Variants in ZNF880 observed in about 807,000 individuals in gnomAD.
The protein encoded by ZNF880 is zinc finger protein LOC400713.
In ZNF880, 12 loss-of-function variants were observed where a neutral mutation model predicts 11.8. The observed-to-expected ratio is 1.02, with a 90% confidence interval of 0.65 to 1.65. The LOEUF is 1.65. Among genes scored for constraint, ZNF880 ranks in the 40% most tolerant of loss-of-function variants. ZNF880 has a pLI of 0.00. For missense variants in ZNF880, 601 were observed against 673.9 expected (o/e 0.89, Z 1.20); for synonymous variants, 210 against 232.4 (o/e 0.90, Z 0.88).
downstream of ZNF880, among the ~76,000 whole-genome samples, chr19:52,386,036 A>G (rs1037824394): frequency 1.4e-5 from 2 of 142,164 alleles, no homozygotes. Context: ...TTAGCCAGGC[A>G]TGGTGGCAGA....
downstream of ZNF880, among the ~76,000 whole-genome samples, chr19:52,387,898 C>CTT (rs71180454): frequency 2.3e-5 from 2 of 85,966 alleles, no homozygotes; most frequent in Admixed American, 2.3e-4. Context: ...CATAAATTTT[C>CTT]TTTTTTTTTT....
intron 3 of ZNF880, among the ~76,000 whole-genome samples, chr19:52,377,026 G>C (rs1397620163): frequency 6.6e-6 from 1 of 152,144 alleles, no homozygotes; most frequent in Non-Finnish European, 1.5e-5. Context: ...TGGCTTATGA[G>C]AATTCTTTGA....
intron 3 of ZNF880, chr19:52,379,802 TA>T (rs1490904587): frequency 6.4e-6 from 1 of 157,188 alleles, no homozygotes; most frequent in Non-Finnish European, 1.4e-5. Flanking sequence ...TTTAAGCTGC[TA>T]TCTTAGTTCT....
In ZNF880 at chr19:52,384,683, C is replaced by A. The variant is rs753623852; in HGVS notation, c.1103C>A (p.Thr368Asn). ...GKVFNRNAHL[T>N]RHQRIHTGEK... ...GTCTTCAATCGAAATGCACACCTTACCAGACATCAAAGAATCCATACTGGA... is the reference window on the plus strand; with the variant it reads ...GTCTTCAATCGAAATGCACACCTTAACAGACATCAAAGAATCCATACTGGA... Residue 368 changes from threonine to asparagine, a missense_variant, in exon 4 of 4, where the codon ACC (threonine) becomes AAC (asparagine). Thr to Asn is a moderately conservative substitution (Grantham distance 65). Coordinates refer to ENST00000422689, the MANE Select transcript of ZNF880 (RefSeq NM_001145434.2). 1.5e-5 allele frequency: 24 copies of A among 1,611,476 alleles called. No individual in the cohort carries two copies. The highest frequency in any genetic ancestry group is 2.0e-5 in the Non-Finnish European group (23 of 1,178,854).
At chr19:52,372,977 T>C (rs1600246359) in intron 1 of ZNF880, 134 bp from the exon 2 acceptor site, 1 of 714,830 alleles carries the variant, frequency 1.4e-6, no homozygotes, top group African/African-American at 1.9e-5. Context: ...AAAACACAAT[T>C]AGAAACATAT....
chr19:52,369,912 G>C, upstream of ZNF880: 2 of 1,551,502 alleles, frequency 1.3e-6, no homozygotes, highest in Non-Finnish European at 1.7e-6. Context: ...TCGCCTCTCA[G>C]CTGCGCGCGC....
chr19:52,384,035 G>A lies in ZNF880; in HGVS notation c.455G>A (p.Ser152Asn), dbSNP rs1210832058. Residue 152 changes from serine to asparagine, a missense_variant, in exon 4 of 4, where the codon AGT (serine) becomes AAT (asparagine). This residue lies in a region of ZNF880 where 420 missense variants were observed against 442.6 expected (regional missense o/e 0.95). Transcript: ENST00000422689. Reference protein sequence around the residue: ...LVSPLQKIYSSVKSHILNKYR... With the variant: ...LVSPLQKIYSNVKSHILNKYR... The stretch of plus-strand genomic sequence containing the variant: ...TCACCACTTCAAAAAATTTATTCTA[G>A]TGTCAAATCCCACATTTTAAATAAA... The A allele has an allele frequency of 1.3e-6, 2 of 1,556,724 alleles. No individual in the cohort carries two copies. The highest frequency in any genetic ancestry group is 1.7e-6 in the Non-Finnish European group (2 of 1,149,930).
chr19:52,370,842 G>A (rs1342102713), intron 1 of ZNF880, among the ~76,000 whole-genome samples: 1 of 152,184 alleles, frequency 6.6e-6, no homozygotes, highest in Non-Finnish European at 1.5e-5. Context: ...CGAGTTACTC[G>A]GAGAGGGTGT....
At position 52,384,859 on chromosome 19, in the gene ZNF880, C is replaced by G; in HGVS notation, c.1279C>G (p.Leu427Val). ...AGACTGTTCAGGCCTTACTGCCCAT[C>G]TACTAATTCACACTGGAGAGAAACC... ...FRDCSGLTAH[L>V]LIHTGEKPYK... The change falls in exon 4 of 4, where the codon CTA becomes GTA. Residue 427 changes from leucine (L) to valine (V), a missense_variant. Physicochemically the swap from Leu to Val is conservative, Grantham distance 32 (BLOSUM62 1). This residue lies in a region of ZNF880 where 177 missense variants were observed against 214.5 expected (regional missense o/e 0.83). Transcript: ENST00000422689. 1 of 1,506,520 alleles carries G rather than the reference C, an allele frequency of 6.6e-7. No individual in the cohort carries two copies. The highest frequency in any genetic ancestry group is 8.9e-7 in the Non-Finnish European group (1 of 1,124,106). The allele number at this position is 1,506,520 out of a possible 1,614,324, so 93.3% of individuals were successfully genotyped here.
At chr19:52,367,044 G>T, upstream of ZNF880, 1 of 378,574 alleles carries the variant, frequency 2.6e-6, no homozygotes, top group Non-Finnish European at 4.7e-6. Context: ...TTAACTGCTG[G>T]CACCGTAATT....
At chr19:52,387,461 T>TTTC (rs1408078134), downstream of ZNF880, among the ~76,000 whole-genome samples, 3 of 141,336 alleles carry the variant, frequency 2.1e-5, 1 homozygote, top group Non-Finnish European at 4.6e-5. Flanking sequence ...ACTTTTTTTT[T>TTTC]TTTTTGAGAC....
chr19:52,388,254 C>A (rs981334496), downstream of ZNF880, among the ~76,000 whole-genome samples: 1 of 128,720 alleles, frequency 7.8e-6, no homozygotes, highest in African/African-American at 3.0e-5. Flanking sequence ...TCATATACTT[C>A]CCCTTACAAC....
At position 52,385,656 on chromosome 19, in the gene ZNF880, A is replaced by AAG; in HGVS notation, c.*342_*343insAG. On this transcript the variant is annotated 3_prime_UTR_variant, in exon 4 of 4. Transcript: ENST00000422689. ...TCTCTAGTTCTCCAATATTTATGAT[A>AAG]CTGCATGCTGCAGAAAAGTCACAGC... 5.4e-6 allele frequency: 1 copy of AAG among 184,704 alleles called. No individual in the cohort carries two copies. Among genetic ancestry groups the AAG allele is most frequent in the Non-Finnish European group, 1.0e-5 (1 of 97,728 alleles). The allele number at this position is 184,704 out of a possible 1,614,324, so 11.4% of individuals were successfully genotyped here.
chr19:52,369,881 C>G, upstream of ZNF880: 1 of 1,534,324 alleles, frequency 6.5e-7, no homozygotes, highest in Non-Finnish European at 8.8e-7. Context: ...CCGCCCAATC[C>G]CACCCGGGCC....
chr19:52,392,139 T>A, the ZNF880 span, among the ~76,000 whole-genome samples: 2,787 of 152,260 alleles, frequency 0.018, 49 homozygotes, highest in Middle Eastern at 0.027. Context: ...AGAAACAATT[T>A]ACTGAGGTGT....
At chr19:52,378,374 G>C (rs184587690) in intron 3 of ZNF880, among the ~76,000 whole-genome samples, 1 of 152,232 alleles carries the variant, frequency 6.6e-6, no homozygotes, top group Admixed American at 6.5e-5. Context: ...GGCCGGGGCG[G>C]TGTCTCACGC....
the ZNF880 span, among the ~76,000 whole-genome samples, chr19:52,394,062 A>T: frequency 6.6e-6 from 1 of 151,464 alleles, no homozygotes; most frequent in Non-Finnish European, 1.5e-5. Context: ...GATAGTCTCG[A>T]TCTCCTGACC....
chr19:52,392,989 G>A, the ZNF880 span, among the ~76,000 whole-genome samples: 12 of 150,936 alleles, frequency 8.0e-5, no homozygotes, highest in Middle Eastern at 3.7e-3. Flanking sequence ...ACCCTGCAAA[G>A]CCACACTAAT....
At chr19:52,397,225 T>C in the ZNF880 span, 2 of 150,902 alleles carry the variant, frequency 1.3e-5, no homozygotes, top group African/African-American at 4.9e-5. Flanking sequence ...ACGATGTCCC[T>C]AGGAAAGTCT....
Sources: allele counts gnomAD v4.1 joint callset (sites outside exome capture counted in the v4.1 genomes callset), GRCh38; gene constraint gnomAD v4.1.1; regional missense constraint gnomAD v4.1.1; transcripts MANE v1.5; gene names NCBI Gene and HGNC (gene_info 2026-07-23, HGNC 2026-07-21).